The following MED30 variants were observed in gnomAD, a reference collection of about 807,000 sequenced individuals.
MED30 encodes mediator complex subunit 30.
In MED30, 8 loss-of-function variants were observed where a neutral mutation model predicts 21.7. That is an observed-to-expected ratio of 0.37 (90% CI 0.22 to 0.67). The LOEUF (loss-of-function observed/expected upper bound fraction) is 0.67. MED30 is among the 30% of genes least tolerant of loss of function. The pLI is 0.58. For synonymous variants in MED30, 79 were observed against 86.7 expected, an observed-to-expected ratio of 0.91 and a Z score of 0.49; for missense variants, 203 against 228.2, an observed-to-expected ratio of 0.89 and a Z score of 0.71.
At chr8:117,526,903 A>G (rs948904586) in intron 1 of MED30, among the ~76,000 whole-genome samples, 7 of 151,960 alleles carry the variant, frequency 4.6e-5, no homozygotes, top group South Asian at 2.1e-4. Flanking sequence ...ATTTATCAAG[A>G]GTTCTTTTAC....
At chr8:117,521,112 T>A in intron 1 of MED30, 59 bp downstream of exon 1, 1 of 1,491,348 alleles carries the variant, frequency 6.7e-7, no homozygotes, top group Non-Finnish European at 9.0e-7. Context: ...GGGCCTCTGG[T>A]TTCCTCTTTA....
At chr8:117,533,567 A>G (rs1818821295) in intron 3 of MED30, among the ~76,000 whole-genome samples, 1 of 152,160 alleles carries the variant, frequency 6.6e-6, no homozygotes, top group Non-Finnish European at 1.5e-5. Context: ...ATAGTATACT[A>G]GGGTCATATT....
intron 3 of MED30, among the ~76,000 whole-genome samples, chr8:117,536,711 T>C (rs1818883997): frequency 6.6e-6 from 1 of 152,328 alleles, no homozygotes; most frequent in East Asian, 1.9e-4. Context: ...GTGGTTTATT[T>C]AAATACTTTT....
At chr8:117,534,847 ATTG>A (rs1195995969) in intron 3 of MED30, among the ~76,000 whole-genome samples, 1 of 60,522 alleles carries the variant, frequency 1.7e-5, no homozygotes, top group Non-Finnish European at 3.8e-5. Flanking sequence ...AGGCAAACAA[ATTG>A]TTTTTTTTTT....
chr8:117,521,153 C>T, intron 1 of MED30, 100 bp downstream of exon 1: 1 of 1,149,972 alleles, frequency 8.7e-7, no homozygotes, highest in Non-Finnish European at 1.2e-6. Context: ...TCGGGGCTGC[C>T]CTGGGCAAAC....
At chr8:117,523,054 C>G (rs768079220) in intron 1 of MED30, among the ~76,000 whole-genome samples, 4 of 152,120 alleles carry the variant, frequency 2.6e-5, no homozygotes, top group Non-Finnish European at 2.9e-5. Flanking sequence ...TTCCTACTAA[C>G]CTCTTTTTAA....
intron 1 of MED30, 87 bp from the exon 2 acceptor site, chr8:117,528,564 T>C: frequency 2.5e-6 from 3 of 1,222,878 alleles, no homozygotes; most frequent in South Asian, 3.2e-5. Context: ...TGCCTAAAAA[T>C]TGTTTCTGTT....
chr8:117,539,963 G>A lies in MED30; in HGVS notation c.522G>A (p.Leu174=). The part of the protein sequence containing the change: ...RNLIWDINAM[L]AMRN ...TCATCTGGGATATAAATGCCATGTT[G>A]GCAATGAGGAACTAAGCTGATATTT... The change falls in exon 4 of 4, where the codon TTG becomes TTA. Residue 174 remains leucine (L), a synonymous_variant. Transcript: ENST00000297347. 6.3e-7 allele frequency: 1 copy of A among 1,599,156 alleles called. No homozygotes were observed. Among genetic ancestry groups the A allele is most frequent in the South Asian group, 1.1e-5 (1 of 89,948 alleles).
At chr8:117,535,358 AGC>A (rs894615223) in intron 3 of MED30, among the ~76,000 whole-genome samples, 1 of 149,934 alleles carries the variant, frequency 6.7e-6, no homozygotes, top group Non-Finnish European at 1.5e-5. Context: ...TCTCCTGAGT[AGC>A]TGGGGTTACA....
At chr8:117,521,341 C>T (rs1444483044) in intron 1 of MED30, among the ~76,000 whole-genome samples, 3 of 152,136 alleles carry the variant, frequency 2.0e-5, no homozygotes, top group African/African-American at 7.2e-5. Context: ...ATGGGTCGCA[C>T]TCCACTTCCC....
chr8:117,529,309 T>C (rs745582686), intron 2 of MED30, among the ~76,000 whole-genome samples: 3 of 151,902 alleles, frequency 2.0e-5, no homozygotes, highest in African/African-American at 7.2e-5. Flanking sequence ...CATATATTTC[T>C]ATAAGTCACC....
At chr8:117,530,596 T>G in intron 2 of MED30, 127 bp from the exon 3 acceptor site, 2 of 618,118 alleles carry the variant, frequency 3.2e-6, no homozygotes, top group South Asian at 4.9e-5. Flanking sequence ...GGCCATCACC[T>G]GAATTGAAAT....
Position 117,520,915 on chromosome 8 carries a change from C to T in MED30, c.39C>T (p.Pro13=), listed in dbSNP as rs1192140188. Reference sequence around the variant, plus strand: ...CGTTGGCCGCGTCGGGGATGGCGCCCGGGCCCTTCGCCGGGCCCCAGGCTC... The same window carrying T: ...CGTTGGCCGCGTCGGGGATGGCGCCTGGGCCCTTCGCCGGGCCCCAGGCTC... ...TPPLAASGMA[P]GPFAGPQAQQ... Residue 13 remains proline, a synonymous_variant, in exon 1 of 4, where the codon CCC becomes CCT. Coordinates refer to ENST00000297347, the MANE Select transcript of MED30 (RefSeq NM_080651.4). 2 of 1,609,054 alleles carry T rather than the reference C, an allele frequency of 1.2e-6. No homozygotes were observed. The highest frequency in any genetic ancestry group is 1.3e-5 in the African/African-American group (1 of 74,852).
Position 117,521,056 on chromosome 8 carries a change from A to G in MED30, c.177+3A>G, listed in dbSNP as rs200464503. 5.7e-6 allele frequency: 9 copies of G among 1,580,100 alleles called. No homozygotes were observed. Among genetic ancestry groups the G allele is most frequent in the Non-Finnish European group, 7.8e-6 (9 of 1,158,670 alleles). On this transcript the variant is annotated splice_donor_region_variant and intron_variant, in intron 1 of 3. Coordinates refer to ENST00000297347, the MANE Select transcript of MED30 (RefSeq NM_080651.4). ...TCCAGCTCCTGAGGAACATGCAGGT[A>G]GGAAGGCGGGCGCGCGAGGCCAGGG...
intron 1 of MED30, among the ~76,000 whole-genome samples, chr8:117,527,858 A>C (rs887467851): frequency 6.6e-6 from 1 of 151,908 alleles, no homozygotes; most frequent in African/African-American, 2.4e-5. Context: ...AATATTGTAC[A>C]GCTGTACAGA....
intron 3 of MED30, among the ~76,000 whole-genome samples, chr8:117,538,161 T>C (rs1023018661): frequency 6.6e-6 from 1 of 152,326 alleles, no homozygotes; most frequent in Non-Finnish European, 1.5e-5. Context: ...TTACTTATGA[T>C]AACAGAATAT....
intron 2 of MED30, among the ~76,000 whole-genome samples, chr8:117,529,802 A>G (rs1405109512): frequency 7.9e-5 from 12 of 151,888 alleles, no homozygotes; most frequent in Non-Finnish European, 1.0e-4. Context: ...GTTGAGAGAA[A>G]GGTGTATAAA....
At position 117,521,041 on chromosome 8, in the gene MED30, GAGGAACATGCAGGT is replaced by G. The variant is rs754197236; in HGVS notation, c.171_177+7del. Reference sequence around the variant, plus strand: ...GCACCATGGAGATCTTCCAGCTCCTGAGGAACATGCAGGTAGGAAGGCGGGCGCGCGAGGCCAGG... The same window carrying G: ...GCACCATGGAGATCTTCCAGCTCCTGAGGAAGGCGGGCGCGCGAGGCCAGG... On this transcript the variant is annotated splice_donor_variant and coding_sequence_variant, in exon 1 of 4. Transcript: ENST00000297347. LOFTEE classifies it high-confidence loss of function. 149 of 1,588,460 alleles carry G rather than the reference GAGGAACATGCAGGT, an allele frequency of 9.4e-5. No homozygotes were observed. The highest frequency in any genetic ancestry group is 3.3e-4 in the Middle Eastern group (2 of 6,006).
In MED30 at chr8:117,534,871, C is replaced by T. The variant is rs1203779994; in HGVS notation, c.441+4044C>T. Among the ~76,000 whole-genome samples, 410 of 48,458 alleles carry T rather than the reference C, an allele frequency of 8.5e-3. 2 individuals carry two copies. Among genetic ancestry groups the T allele is most frequent in the Non-Finnish European group, 0.016 (338 of 20,940 alleles). The allele number at this position is 48,458 out of a possible 152,430, so 31.8% of individuals were successfully genotyped here. On this transcript the variant is annotated intron_variant, in intron 3 of 3. Coordinates refer to ENST00000297347, the MANE Select transcript of MED30 (RefSeq NM_080651.4). ...AATTGTTTTTTTTTTTTTTTTTTACCAAAAGGGCTTTTTAATTCATTCCTT... is the reference window on the plus strand; with the variant it reads ...AATTGTTTTTTTTTTTTTTTTTTACTAAAAGGGCTTTTTAATTCATTCCTT...
Sources: allele counts gnomAD v4.1 joint callset (sites outside exome capture counted in the v4.1 genomes callset), GRCh38; gene constraint gnomAD v4.1.1; transcripts MANE v1.5; gene names NCBI Gene and HGNC (gene_info 2026-07-23, HGNC 2026-07-21).